The following HECTD2 variants were observed in gnomAD, a reference collection of about 807,000 sequenced individuals.
HECTD2 encodes the protein probable E3 ubiquitin-protein ligase HECTD2.
HECTD2 carries 35 observed loss-of-function variants against 103.2 expected under a neutral mutation model. That is an observed-to-expected ratio of 0.34 (90% confidence interval 0.26 to 0.45). The LOEUF (loss-of-function observed/expected upper bound fraction) is 0.45, where lower values mean the gene tolerates loss of function less well. Ranked by LOEUF, HECTD2 falls within the 20% of genes least tolerant of loss-of-function variation. HECTD2 has a pLI of 1.00. For missense variants in HECTD2, 596 were observed against 937.4 expected, an observed-to-expected ratio of 0.64 and a Z score of 4.76; for synonymous variants, 281 against 329.9, an observed-to-expected ratio of 0.85 and a Z score of 1.61.
intron 2 of HECTD2, among the ~76,000 whole-genome samples, chr10:91,432,103 C>G (rs1014614171): frequency 6.6e-6 from 1 of 151,994 alleles, no homozygotes; most frequent in East Asian, 1.9e-4. Flanking sequence ...CAGAGTAATT[C>G]TTTTATTGAA....
intron 20 of HECTD2, among the ~76,000 whole-genome samples, chr10:91,510,794 G>T (rs1847391915): frequency 6.6e-6 from 1 of 151,990 alleles, no homozygotes; most frequent in Admixed American, 6.5e-5. Context: ...ATGTATGTCT[G>T]GTGCGTAAAA....
intron 2 of HECTD2, among the ~76,000 whole-genome samples, chr10:91,427,451 G>T (rs1843617397): frequency 6.6e-6 from 1 of 152,094 alleles, no homozygotes; most frequent in Non-Finnish European, 1.5e-5. Flanking sequence ...GACTGAACTA[G>T]TTTACAGTCC....
chr10:91,471,733 C>T (rs1334681838), intron 5 of HECTD2, among the ~76,000 whole-genome samples: 1 of 152,088 alleles, frequency 6.6e-6, no homozygotes, highest in Admixed American at 6.5e-5. Context: ...GAATAAAATA[C>T]CTGTGAGTAT....
At chr10:91,479,371 C>CA (rs929339569) in intron 6 of HECTD2, among the ~76,000 whole-genome samples, 2 of 151,182 alleles carry the variant, frequency 1.3e-5, no homozygotes, top group African/African-American at 4.9e-5. Flanking sequence ...GAGACTGTCT[C>CA]AAAAAAAAGA....
Position 91,478,258 on chromosome 10 carries a change from T to A in HECTD2, c.658T>A (p.Trp220Arg). 2.5e-6 allele frequency: 4 copies of A among 1,595,094 alleles called. No individual in the cohort carries two copies. The highest frequency in any genetic ancestry group is 3.4e-6 in the Non-Finnish European group (4 of 1,162,984). ...KGIINSLLRE[W>R]KGPRTKDDLR... The stretch of plus-strand genomic sequence containing the variant: ...AATCATTAACAGCCTGTTACGAGAA[T>A]GGAAAGGGTAAACTAATATTTTCAA... The change falls in exon 6 of 21, where the codon TGG (tryptophan) becomes AGG (arginine). Residue 220 changes from tryptophan (W) to arginine (R), a missense_variant. Trp to Arg is a moderately radical substitution (Grantham distance 101). This residue lies in a region of HECTD2 where 303 missense variants were observed against 522.5 expected (regional missense o/e 0.58). Coordinates refer to ENST00000298068, the MANE Select transcript of HECTD2 (RefSeq NM_182765.6).
Position 91,492,430 on chromosome 10 carries a change from T to C in HECTD2, c.1378T>C (p.Leu460=). ...GGAAGCTGGTTTGGATATGGGTGGT[T>C]TGACTAAAGAATGGTTCCTTCTTCT... The part of the protein sequence containing the change: ...VGEAGLDMGG[L]TKEWFLLLIR... Residue 460 remains leucine (L), a synonymous_variant, in exon 13 of 21, where the codon TTG becomes CTG. Coordinates refer to ENST00000298068, the MANE Select transcript of HECTD2 (RefSeq NM_182765.6). 2 of 1,613,210 alleles carry C rather than the reference T, an allele frequency of 1.2e-6. No homozygotes were observed. The highest frequency in any genetic ancestry group is 1.7e-6 in the Non-Finnish European group (2 of 1,179,264).
At position 91,496,436 on chromosome 10, in the gene HECTD2, GT is replaced by G. The variant is rs1846667588; in HGVS notation, c.1680+65del. ...AAATCATCTTTTTTCTACCTGCACA[GT>G]CTCTCCTCCTAATGCTATTCTTACT... On this transcript the variant is annotated intron_variant, in intron 15 of 20. Coordinates refer to ENST00000298068, the MANE Select transcript of HECTD2 (RefSeq NM_182765.6). The G allele has an allele frequency of 5.3e-6, 6 of 1,137,634 alleles. No homozygotes were observed. The African/African-American group carries it at 9.3e-5, about 18-fold the overall frequency. The allele number at this position is 1,137,634 out of a possible 1,614,324, so 70.5% of individuals were successfully genotyped here.
chr10:91,485,360 G>T, intron 10 of HECTD2, 57 bp downstream of exon 10: 10 of 1,336,788 alleles, frequency 7.5e-6, no homozygotes, highest in Non-Finnish European at 1.0e-5. Context: ...TCAAAAGAAT[G>T]ACTAGAGTTT....
chr10:91,494,277 A>C (rs1055945242), intron 14 of HECTD2, among the ~76,000 whole-genome samples: 11 of 152,124 alleles, frequency 7.2e-5, no homozygotes, highest in African/African-American at 2.7e-4. Flanking sequence ...AGTTCTGAGA[A>C]GGAAAATATA....
intron 2 of HECTD2, among the ~76,000 whole-genome samples, chr10:91,437,242 C>T (rs1321604073): frequency 6.6e-6 from 1 of 151,984 alleles, no homozygotes; most frequent in Non-Finnish European, 1.5e-5. Flanking sequence ...GGCTTGAATA[C>T]TGAGAGCTGG....
intron 9 of HECTD2, 65 bp downstream of exon 9, chr10:91,484,720 G>C: frequency 1.5e-6 from 2 of 1,317,114 alleles, no homozygotes; most frequent in Admixed American, 5.1e-5. Context: ...TATTTCTTAA[G>C]GATTTCAAAA....
intron 1 of HECTD2, among the ~76,000 whole-genome samples, chr10:91,424,756 G>A (rs1418293446): frequency 5.9e-5 from 9 of 151,940 alleles, no homozygotes. Context: ...AAAAATTCTG[G>A]TATGCCCAAT....
At chr10:91,451,525 A>T (rs1229156569) in intron 2 of HECTD2, among the ~76,000 whole-genome samples, 3 of 152,044 alleles carry the variant, frequency 2.0e-5, no homozygotes, top group South Asian at 2.1e-4. Context: ...ATAATAATAA[A>T]AAAAAAAGAT....
chr10:91,456,076 G>A (rs1845076118), intron 2 of HECTD2, among the ~76,000 whole-genome samples: 1 of 152,126 alleles, frequency 6.6e-6, no homozygotes, highest in Non-Finnish European at 1.5e-5. Flanking sequence ...GGTTCCATAT[G>A]AACTTTAAAG....
At chr10:91,425,489 T>C in intron 2 of HECTD2, 79 bp downstream of exon 2, 1 of 1,088,792 alleles carries the variant, frequency 9.2e-7, no homozygotes, top group Non-Finnish European at 1.3e-6. Context: ...TTATTCAGCA[T>C]TGTTCTGATA....
At chr10:91,410,664 GT>G in intron 1 of HECTD2, 88 bp downstream of exon 1, 2 of 1,222,810 alleles carry the variant, frequency 1.6e-6, no homozygotes, top group Non-Finnish European at 2.1e-6. Flanking sequence ...GGAGGCCTGC[GT>G]TTACCCTGGG....
intron 14 of HECTD2, among the ~76,000 whole-genome samples, chr10:91,494,091 T>C (rs1183352532): frequency 6.6e-6 from 1 of 152,074 alleles, no homozygotes; most frequent in African/African-American, 2.4e-5. Context: ...GGTAGGAGAT[T>C]GGACAAGATG....
Position 91,457,036 on chromosome 10 carries a change from G to A in HECTD2, c.269-3391G>A, listed in dbSNP as rs191603208. On this transcript the variant is annotated intron_variant, in intron 2 of 20. Coordinates refer to ENST00000298068, the MANE Select transcript of HECTD2 (RefSeq NM_182765.6). ...GTAAACATCAGAAAAAATAATAAGG[G>A]AATACTGCAAACTCTACACACATAA... is the stretch of plus-strand genomic sequence containing the variant. Among the ~76,000 whole-genome samples the A allele has an allele frequency of 3.4e-3, 521 of 152,066 alleles. 3 individuals carry two copies. The highest frequency in any genetic ancestry group is 7.0e-3 in the South Asian group (34 of 4,824).
At chr10:91,450,693 A>G (rs1248126184) in intron 2 of HECTD2, among the ~76,000 whole-genome samples, 1 of 151,734 alleles carries the variant, frequency 6.6e-6, no homozygotes, top group East Asian at 1.9e-4. Context: ...AAAAAAAACC[A>G]TCAAAAAGTG....
Sources: allele counts gnomAD v4.1 joint callset (sites outside exome capture counted in the v4.1 genomes callset), GRCh38; gene constraint gnomAD v4.1.1; regional missense constraint gnomAD v4.1.1; transcripts MANE v1.5; gene names NCBI Gene and HGNC (gene_info 2026-07-23, HGNC 2026-07-21).